DNAH7: variants seen among roughly 807,000 people sequenced by gnomAD.
The protein encoded by DNAH7 is axonemal beta dynein heavy chain 7.
DNAH7 carries 397 observed loss-of-function variants against 444.6 expected under a neutral mutation model. That is an observed-to-expected ratio of 0.89 (90% CI 0.82 to 0.97). DNAH7 has a LOEUF of 0.97. Ranked by LOEUF, DNAH7 falls within the 50% of genes least tolerant of loss-of-function variation. The pLI, the probability that DNAH7 is intolerant of heterozygous loss-of-function variation, is 0.00. For missense variants in DNAH7, 4,902 were observed against 4,800.8 expected (o/e 1.02, Z -0.62); for synonymous variants, 1,636 against 1,624.4 (o/e 1.01, Z -0.17).
At chr2:195,958,269 G>A (rs1054704623) in intron 18 of DNAH7, among the ~76,000 whole-genome samples, 2 of 152,096 alleles carry the variant, frequency 1.3e-5, no homozygotes, top group African/African-American at 2.4e-5. Context: ...TGACGAGGAT[G>A]AAGATCTTCA....
chr2:195,859,483 T>C (rs909390601), intron 42 of DNAH7, among the ~76,000 whole-genome samples: 6 of 152,110 alleles, frequency 3.9e-5, no homozygotes, highest in African/African-American at 1.4e-4. Context: ...TATGTCTCTA[T>C]AGAGAAAACT....
At chr2:195,880,068 T>G (rs558429615) in intron 36 of DNAH7, among the ~76,000 whole-genome samples, 7 of 152,246 alleles carry the variant, frequency 4.6e-5, no homozygotes, top group Admixed American at 3.9e-4. Context: ...ATGCAATAAT[T>G]TGAAGAGAAA....
intron 2 of DNAH7, among the ~76,000 whole-genome samples, chr2:196,053,287 C>A (rs1697596810): frequency 6.6e-6 from 1 of 152,206 alleles, no homozygotes; most frequent in Non-Finnish European, 1.5e-5. Context: ...CAGGGCTTGA[C>A]TGGCCAGGCT....
At chr2:195,911,624 C>G (rs748877591) in intron 24 of DNAH7, among the ~76,000 whole-genome samples, 2 of 151,864 alleles carry the variant, frequency 1.3e-5, no homozygotes, top group Non-Finnish European at 2.9e-5. Context: ...AGAAAATTAC[C>G]TACAAAAGAA....
chr2:195,781,390 T>C (rs1429142079), intron 58 of DNAH7, among the ~76,000 whole-genome samples: 1 of 152,154 alleles, frequency 6.6e-6, no homozygotes, highest in Admixed American at 6.5e-5. Context: ...TGAGAGTCCA[T>C]GAGGTAAATG....
At chr2:195,800,811 C>T (rs1696411327) in intron 54 of DNAH7, among the ~76,000 whole-genome samples, 1 of 152,038 alleles carries the variant, frequency 6.6e-6, no homozygotes, top group South Asian at 2.1e-4. Flanking sequence ...ATTAAAAAAG[C>T]CTCAAAATGA....
intron 19 of DNAH7, among the ~76,000 whole-genome samples, chr2:195,949,774 C>T (rs1300714015): frequency 2.6e-5 from 4 of 152,098 alleles, no homozygotes. Flanking sequence ...GAGATACGTT[C>T]CATAAATACC....
At chr2:195,927,520 T>C (rs958936188) in intron 21 of DNAH7, among the ~76,000 whole-genome samples, 2 of 151,290 alleles carry the variant, frequency 1.3e-5, no homozygotes, top group Admixed American at 1.3e-4. Context: ...AATAAATAAA[T>C]AAATAAATTA....
At chr2:195,872,564 A>G (rs1412890783) in intron 39 of DNAH7, 95 bp from the exon 40 acceptor site, 5 of 673,728 alleles carry the variant, frequency 7.4e-6, no homozygotes, top group Non-Finnish European at 1.2e-5. Flanking sequence ...ATAAAATTTT[A>G]ATTTTGATTA....
At chr2:196,004,283 T>C (rs893311734) in intron 10 of DNAH7, among the ~76,000 whole-genome samples, 7 of 152,110 alleles carry the variant, frequency 4.6e-5, no homozygotes, top group African/African-American at 7.2e-5. Flanking sequence ...GATTTTGCAA[T>C]AGGCTATATG....
chr2:195,996,449 AG>A (rs1177166469), intron 12 of DNAH7, among the ~76,000 whole-genome samples: 14 of 148,762 alleles, frequency 9.4e-5, no homozygotes, highest in Non-Finnish European at 1.3e-4. Flanking sequence ...TTTTTGAGAC[AG>A]AGTCTCATTC....
chr2:195,956,128 A>T (rs1690635801), intron 19 of DNAH7, among the ~76,000 whole-genome samples: 1 of 152,160 alleles, frequency 6.6e-6, no homozygotes, highest in African/African-American at 2.4e-5. Flanking sequence ...ATACAGTATT[A>T]TCAATATTTC....
intron 19 of DNAH7, among the ~76,000 whole-genome samples, chr2:195,950,705 A>T (rs1049607474): frequency 1.3e-5 from 2 of 151,836 alleles, no homozygotes; most frequent in Non-Finnish European, 2.9e-5. Context: ...AACCAAAATT[A>T]GCCAGGCGTG....
chr2:195,847,907 G>C (rs1033543832), intron 46 of DNAH7, among the ~76,000 whole-genome samples: 2 of 152,208 alleles, frequency 1.3e-5, no homozygotes, highest in African/African-American at 4.8e-5. Context: ...CTGGGGGACA[G>C]TCTGTAGGAT....
intron 5 of DNAH7, among the ~76,000 whole-genome samples, chr2:196,036,511 G>T (rs1337557037): frequency 6.6e-6 from 1 of 152,182 alleles, no homozygotes; most frequent in Non-Finnish European, 1.5e-5. Flanking sequence ...AAGGTATTGG[G>T]AACCAAAGTG....
chr2:195,950,788 C>T (rs1690175100), intron 19 of DNAH7, among the ~76,000 whole-genome samples: 1 of 132,876 alleles, frequency 7.5e-6, no homozygotes, highest in African/African-American at 2.8e-5. Context: ...GGAGGCGAAG[C>T]TTGCAGTGAG....
intron 63 of DNAH7, among the ~76,000 whole-genome samples, chr2:195,743,905 G>A (rs1168462393): frequency 6.6e-6 from 1 of 152,244 alleles, no homozygotes; most frequent in Non-Finnish European, 1.5e-5. Context: ...AATAGGAACA[G>A]CTCCAGTCTA....
chr2:195,747,381 G>A (rs546894818), intron 63 of DNAH7, among the ~76,000 whole-genome samples: 1 of 152,144 alleles, frequency 6.6e-6, no homozygotes, highest in Non-Finnish European at 1.5e-5. Context: ...AGGACCAGAC[G>A]GATTCACAGC....
chr2:195,793,692 A>G (rs1695999506), intron 57 of DNAH7, among the ~76,000 whole-genome samples: 1 of 152,202 alleles, frequency 6.6e-6, no homozygotes, highest in African/African-American at 2.4e-5. Context: ...TGTGCACTTA[A>G]AACAAATTCA....
Sources: allele counts gnomAD v4.1 joint callset (sites outside exome capture counted in the v4.1 genomes callset), GRCh38; gene constraint gnomAD v4.1.1; transcripts MANE v1.5; gene names NCBI Gene and HGNC (gene_info 2026-07-23, HGNC 2026-07-21).